The following AGBL4 variants were observed in gnomAD, a reference collection of about 807,000 sequenced individuals.
The protein encoded by AGBL4 is AGBL carboxypeptidase 4.
Under a neutral mutation model 66.4 loss-of-function variants are expected in AGBL4, and 58 were observed. The observed-to-expected ratio is 0.87, with a 90% CI of 0.71 to 1.09. The LOEUF (loss-of-function observed/expected upper bound fraction) is 1.09, where lower values mean the gene tolerates loss of function less well. Ranked by LOEUF, AGBL4 falls within the 50% of genes least tolerant of loss-of-function variation. The probability of loss-of-function intolerance (pLI) is 0.00; values close to 1 mark genes in which losing one functional copy is unlikely to be tolerated. For missense variants in AGBL4, 579 were observed against 631.0 expected (o/e 0.92, Z 0.88); for synonymous variants, 234 against 222.9 (o/e 1.05, Z -0.44).
intron 2 of AGBL4, among the ~76,000 whole-genome samples, chr1:49,741,209 T>A (rs545157291): frequency 6.6e-6 from 1 of 152,146 alleles, no homozygotes; most frequent in African/African-American, 2.4e-5. Context: ...TAAAAAATGA[T>A]AAAGGGGCTA....
At chr1:49,146,380 C>A (rs1646218283) in intron 4 of AGBL4, among the ~76,000 whole-genome samples, 1 of 151,712 alleles carries the variant, frequency 6.6e-6, no homozygotes, top group South Asian at 2.1e-4. Flanking sequence ...ATATATATAC[C>A]TACTAGATAT....
At chr1:49,694,848 C>G (rs1313786812) in intron 3 of AGBL4, among the ~76,000 whole-genome samples, 2 of 152,112 alleles carry the variant, frequency 1.3e-5, no homozygotes, top group Non-Finnish European at 2.9e-5. Flanking sequence ...ACTGAAGGAA[C>G]ACATTTTTCC....
At chr1:49,704,695 C>T (rs1647170320) in intron 2 of AGBL4, among the ~76,000 whole-genome samples, 1 of 152,030 alleles carries the variant, frequency 6.6e-6, no homozygotes, top group African/African-American at 2.4e-5. Context: ...AATCCTTTCC[C>T]CATTGCTTGT....
At chr1:49,098,321 G>A (rs1027420090) in intron 4 of AGBL4, among the ~76,000 whole-genome samples, 1 of 152,222 alleles carries the variant, frequency 6.6e-6, no homozygotes, top group Non-Finnish European at 1.5e-5. Context: ...CATATAGAGT[G>A]GAGGAGATGT....
chr1:49,294,610 T>C (rs1296652468), intron 3 of AGBL4, among the ~76,000 whole-genome samples: 1 of 152,202 alleles, frequency 6.6e-6, no homozygotes, highest in South Asian at 2.1e-4. Context: ...TTGAATCCTA[T>C]GTCACTAAGT....
At chr1:48,945,962 T>C (rs1656468011) in intron 5 of AGBL4, among the ~76,000 whole-genome samples, 1 of 152,228 alleles carries the variant, frequency 6.6e-6, no homozygotes, top group South Asian at 2.1e-4. Flanking sequence ...ACACAGTAAG[T>C]GTTCAATTAG....
chr1:49,807,170 C>A (rs535963838), intron 2 of AGBL4, among the ~76,000 whole-genome samples: 2 of 152,104 alleles, frequency 1.3e-5, no homozygotes, highest in Admixed American at 6.5e-5. Context: ...GCCACCCCCA[C>A]GATCCCAGAC....
At chr1:48,862,801 A>G (rs1647614096) in intron 6 of AGBL4, among the ~76,000 whole-genome samples, 1 of 152,174 alleles carries the variant, frequency 6.6e-6, no homozygotes, top group Admixed American at 6.5e-5. Context: ...TATAAATGGT[A>G]TTATGCTCCA....
intron 3 of AGBL4, among the ~76,000 whole-genome samples, chr1:49,280,054 G>A (rs913517406): frequency 3.3e-5 from 5 of 152,010 alleles, no homozygotes; most frequent in East Asian, 1.9e-4. Flanking sequence ...TTGGCCTTTC[G>A]AGATATCTTT....
At chr1:49,858,178 C>T (rs1320678361) in intron 1 of AGBL4, among the ~76,000 whole-genome samples, 1 of 151,854 alleles carries the variant, frequency 6.6e-6, no homozygotes, top group Non-Finnish European at 1.5e-5. Flanking sequence ...ACCATCTCAC[C>T]CCAGCAGAAT....
chr1:48,928,756 A>G (rs567186373), intron 5 of AGBL4, among the ~76,000 whole-genome samples: 1 of 151,826 alleles, frequency 6.6e-6, no homozygotes, highest in South Asian at 2.1e-4. Context: ...TAATAGACAT[A>G]ATATATATAG....
At chr1:49,478,858 TAG>T (rs1646897092) in intron 3 of AGBL4, among the ~76,000 whole-genome samples, 1 of 146,378 alleles carries the variant, frequency 6.8e-6, no homozygotes, top group South Asian at 2.3e-4. Context: ...AGTTAAAATG[TAG>T]AGTTTTTATT....
intron 3 of AGBL4, among the ~76,000 whole-genome samples, chr1:49,551,275 C>T (rs544515153): frequency 6.6e-6 from 1 of 152,248 alleles, no homozygotes; most frequent in South Asian, 2.1e-4. Context: ...AATAACAAAC[C>T]TCCCAAATTC....
intron 6 of AGBL4, among the ~76,000 whole-genome samples, chr1:48,790,550 G>T (rs1275050930): frequency 1.3e-5 from 2 of 152,254 alleles, no homozygotes; most frequent in East Asian, 3.9e-4. Context: ...TGTCATTCTA[G>T]AGATGATAAA....
At chr1:49,958,843 A>C (rs1656873902) in intron 1 of AGBL4, among the ~76,000 whole-genome samples, 1 of 151,836 alleles carries the variant, frequency 6.6e-6, no homozygotes, top group African/African-American at 2.4e-5. Context: ...AAAGTATAAT[A>C]AAAAATAAAA....
chr1:49,316,876 G>A (rs1181153439), intron 3 of AGBL4, among the ~76,000 whole-genome samples: 3 of 151,710 alleles, frequency 2.0e-5, no homozygotes, highest in African/African-American at 7.3e-5. Flanking sequence ...AATAAATTGT[G>A]ATGCATTCAA....
At chr1:49,989,362 A>G (rs889127385) in intron 1 of AGBL4, among the ~76,000 whole-genome samples, 1 of 152,190 alleles carries the variant, frequency 6.6e-6, no homozygotes, top group Admixed American at 6.5e-5. Context: ...GGATGGCACC[A>G]ATGAGGTAGG....
At chr1:49,075,797 T>C (rs923445741) in intron 4 of AGBL4, among the ~76,000 whole-genome samples, 3 of 152,220 alleles carry the variant, frequency 2.0e-5, no homozygotes, top group African/African-American at 7.2e-5. Flanking sequence ...TGAGGTTCCA[T>C]TGCATATCAA....
chr1:50,012,926 C>T (rs992032656), intron 1 of AGBL4, among the ~76,000 whole-genome samples: 1 of 152,112 alleles, frequency 6.6e-6, no homozygotes, highest in Non-Finnish European at 1.5e-5. Context: ...AAAAAACATG[C>T]CCTGGTTTGT....
Sources: allele counts gnomAD v4.1 joint callset (sites outside exome capture counted in the v4.1 genomes callset), GRCh38; gene constraint gnomAD v4.1.1; transcripts MANE v1.5; gene names NCBI Gene and HGNC (gene_info 2026-07-23, HGNC 2026-07-21).